MARK4: variants seen among roughly 807,000 people sequenced by gnomAD.
MARK4 encodes microtubule affinity regulating kinase 4, also known as MAP/microtubule affinity-regulating kinase 4.
Under a neutral mutation model 81.5 loss-of-function variants are expected in MARK4, and 19 were observed. The ratio of observed to expected loss-of-function variants is 0.23; its 90% CI spans 0.16 to 0.34. The LOEUF is 0.34. Ranked by LOEUF, MARK4 falls within the 10% of genes least tolerant of loss-of-function variation. MARK4 has a pLI of 1.00. For missense variants in MARK4, 772 were observed against 1,058.8 expected, an observed-to-expected ratio of 0.73 and a Z score of 3.76; for synonymous variants, 436 against 439.0, an observed-to-expected ratio of 0.99 and a Z score of 0.08.
At chr19:45,298,891 C>A (rs148915979) in intron 15 of MARK4, among the ~76,000 whole-genome samples, 1 of 151,656 alleles carries the variant, frequency 6.6e-6, no homozygotes, top group African/African-American at 2.4e-5. Context: ...GCCTGGACAA[C>A]GTAGCAAGAT....
rs374640188 is a variant in MARK4 at position 45,299,889 on chromosome 19, C to A, written c.1922+34C>A. 2.6e-4 allele frequency: 418 copies of A among 1,578,128 alleles called. 1 individual carries two copies. Among genetic ancestry groups the A allele is most frequent in the Non-Finnish European group, 3.5e-4 (406 of 1,156,268 alleles). On this transcript the variant is annotated intron_variant, in intron 16 of 16. Coordinates refer to ENST00000262891, the MANE Select transcript of MARK4 (RefSeq NM_001199867.2). ...TTGGGCCTACCCCTGACTGCCACTT[C>A]CCCTCTCCTGCCTCAGCACCTCCCG...
intron 12 of MARK4, among the ~76,000 whole-genome samples, chr19:45,281,032 C>G (rs1232568438): frequency 2.0e-5 from 3 of 151,732 alleles, no homozygotes; most frequent in Non-Finnish European, 4.4e-5. Context: ...CTCATCCTAT[C>G]TTTTTTCCTG....
intron 4 of MARK4, 146 bp downstream of exon 4, chr19:45,263,513 G>A (rs1174966953): frequency 8.5e-6 from 8 of 936,686 alleles, no homozygotes; most frequent in South Asian, 3.1e-5. Context: ...AGGCCGAGGC[G>A]GGTGGATCAC....
rs1309859283 is a variant in MARK4, at chr19:45,271,489, G to A, written c.567G>A (p.Leu189=). The change falls in exon 8 of 17, where the codon CTG becomes CTA. Residue 189 remains leucine, a synonymous_variant. Transcript: ENST00000262891. The surrounding 1 kb of genome is among the most constrained non-coding windows in gnomAD (Gnocchi z 4.1). The part of the protein sequence containing the change: ...HRDLKAENLL[L]DAEANIKIAD... ...CCCTGCAGGCTGAGAACCTCTTGCTGGATGCCGAGGCCAACATCAAGATTG... is the reference window on the plus strand; with the variant it reads ...CCCTGCAGGCTGAGAACCTCTTGCTAGATGCCGAGGCCAACATCAAGATTG... 1 of 1,614,200 alleles carries A rather than the reference G, an allele frequency of 6.2e-7. No homozygotes were observed. The highest frequency in any genetic ancestry group is 1.7e-5 in the Admixed American group (1 of 60,014).
In MARK4 at chr19:45,271,276, C is replaced by T. The variant is rs1240077456; in HGVS notation, c.550-196C>T. ...GCTATGAAATAGGAACTAAGATTAT[C>T]CCCATTCTATGGATGAGGAAACTGA... On this transcript the variant is annotated intron_variant, in intron 7 of 16. Transcript: ENST00000262891. The surrounding 1 kb of genome is among the most constrained non-coding windows in gnomAD (Gnocchi z 4.1). Among the ~76,000 whole-genome samples the T allele has an allele frequency of 6.6e-6, 1 of 152,162 alleles. No individual in the cohort carries two copies. The highest frequency in any genetic ancestry group is 1.5e-5 in the Non-Finnish European group (1 of 68,032).
At position 45,270,050 on chromosome 19, in the gene MARK4, A is replaced by C. The variant is rs182981360; in HGVS notation, c.550-1422A>C. ...ACCATGTTGCCCAAGCTAGTCTCGA[A>C]CTCCTGACCTCAGGAGATCTGCCTG... On this transcript the variant is annotated intron_variant, in intron 7 of 16. Coordinates refer to ENST00000262891, the MANE Select transcript of MARK4 (RefSeq NM_001199867.2). 6.6e-5 allele frequency among the ~76,000 whole-genome samples: 10 copies of C among 151,742 alleles called. No homozygotes were observed. In the East Asian group the frequency reaches 1.9e-3, roughly 29 times the overall value.
intron 6 of MARK4, among the ~76,000 whole-genome samples, chr19:45,265,638 A>G (rs1190190042): frequency 6.9e-6 from 1 of 143,902 alleles, no homozygotes. Context: ...GGTGTGGGGT[A>G]AGAGGAGATG....
At chr19:45,264,474 G>A (rs1352094817) in intron 4 of MARK4, among the ~76,000 whole-genome samples, 1 of 149,634 alleles carries the variant, frequency 6.7e-6, no homozygotes, top group Non-Finnish European at 1.5e-5. Flanking sequence ...TGGGCAACAA[G>A]AGCAAAACTC....
Position 45,297,712 on chromosome 19 carries a change from C to T in MARK4, c.1635C>T (p.Ser545=), listed in dbSNP as rs752145048. 3.9e-6 allele frequency: 6 copies of T among 1,550,868 alleles called. No homozygotes were observed. The highest frequency in any genetic ancestry group is 5.2e-6 in the Non-Finnish European group (6 of 1,155,092). Residue 545 remains serine, a synonymous_variant, in exon 15 of 17, where the codon TCC becomes TCT. Coordinates refer to ENST00000262891, the MANE Select transcript of MARK4 (RefSeq NM_001199867.2). ...CACGGGTGCCCCCTGCCTCCCCCTCCAGTCACAGCCTGGCACCCCCATCAG... is the reference window on the plus strand; with the variant it reads ...CACGGGTGCCCCCTGCCTCCCCCTCTAGTCACAGCCTGGCACCCCCATCAG... ...GTPRVPPASP[S]SHSLAPPSGE... is the part of the protein sequence containing the mutation.
intron 13 of MARK4, among the ~76,000 whole-genome samples, chr19:45,289,339 A>G (rs1193930719): frequency 7.2e-6 from 1 of 138,360 alleles, no homozygotes. Flanking sequence ...GTGAGCCGAG[A>G]TCGTGCCACT....
intron 12 of MARK4, among the ~76,000 whole-genome samples, chr19:45,283,594 T>C (rs1254765890): frequency 1.3e-5 from 2 of 152,182 alleles, no homozygotes; most frequent in African/African-American, 4.8e-5. Flanking sequence ...GGTTCATCCA[T>C]GATATGGGTA....
chr19:45,291,886 T>G (rs1478781466), intron 13 of MARK4, among the ~76,000 whole-genome samples: 5 of 152,178 alleles, frequency 3.3e-5, no homozygotes, highest in Non-Finnish European at 5.9e-5. Context: ...GGCTGGACAA[T>G]AGGCACTGGG....
At chr19:45,296,277 T>C (rs1970885811) in intron 14 of MARK4, among the ~76,000 whole-genome samples, 1 of 152,218 alleles carries the variant, frequency 6.6e-6, no homozygotes, top group African/African-American at 2.4e-5. Flanking sequence ...TAGACTCAGC[T>C]AGCTGCTGTA....
At chr19:45,258,896 G>A in intron 1 of MARK4, 93 bp from the exon 2 acceptor site, 1 of 1,356,742 alleles carries the variant, frequency 7.4e-7, no homozygotes, top group Non-Finnish European at 1.0e-6. Context: ...GGCCACGGAG[G>A]GGCCGGTAGC....
chr19:45,251,853 C>T (rs1224807125), intron 1 of MARK4, among the ~76,000 whole-genome samples: 5 of 151,932 alleles, frequency 3.3e-5, no homozygotes, highest in African/African-American at 4.8e-5. Context: ...CTCTCGGGAC[C>T]CCTCTCTTGT....
intron 7 of MARK4, among the ~76,000 whole-genome samples, chr19:45,266,756 A>C (rs1970459264): frequency 7.1e-6 from 1 of 140,300 alleles, no homozygotes; most frequent in Non-Finnish European, 1.5e-5. Context: ...TTTTTGAGAC[A>C]GAGTCTCACT....
At position 45,277,772 on chromosome 19, in the gene MARK4, G is replaced by T. The variant is rs921754646; in HGVS notation, c.787-151G>T. The stretch of plus-strand genomic sequence containing the variant: ...ATGGGGTTTTGCTTACCTCGTCAAG[G>T]ACTGGGACTCAGAGCTTCTGTCACT... On this transcript the variant is annotated intron_variant, in intron 8 of 16. Coordinates refer to ENST00000262891, the MANE Select transcript of MARK4 (RefSeq NM_001199867.2). 1.8e-5 allele frequency: 16 copies of T among 890,710 alleles called. No individual in the cohort carries two copies. In the African/African-American group the frequency reaches 2.7e-4, roughly 15 times the overall value. 55.2% of individuals were successfully genotyped at this position (890,710 alleles called of 1,614,324 possible).
intron 12 of MARK4, among the ~76,000 whole-genome samples, chr19:45,282,632 C>G (rs1376593659): frequency 6.6e-6 from 1 of 151,974 alleles, no homozygotes; most frequent in Non-Finnish European, 1.5e-5. Context: ...TCAAGACCAG[C>G]CTGGCCAAGA....
chr19:45,284,228 G>A (rs552554274), intron 12 of MARK4, among the ~76,000 whole-genome samples: 1 of 152,016 alleles, frequency 6.6e-6, no homozygotes, highest in East Asian at 1.9e-4. Context: ...GGCTGGTCTT[G>A]AATTCCTGAC....
Sources: gnomAD v4.1 joint callset for allele counts (sites outside exome capture counted in the v4.1 genomes callset) on GRCh38, gnomAD v4.1.1 for gene constraint, Gnocchi (gnomAD v3.1) non-coding constraint, MANE v1.5 for transcripts, NCBI Gene and HGNC (gene_info 2026-07-23, HGNC 2026-07-21) for gene names.